Variants in NCKAP5 observed in about 807,000 individuals in gnomAD.
The protein encoded by NCKAP5 is nck-associated protein 5.
NCKAP5 carries 92 observed loss-of-function variants against 167.0 expected under a neutral mutation model. That is an observed-to-expected ratio of 0.55 (90% CI 0.47 to 0.66). The LOEUF is 0.66. NCKAP5 is among the 30% of genes least tolerant of loss of function. The pLI, the probability that NCKAP5 is intolerant of heterozygous loss-of-function variation, is 0.00. For synonymous variants in NCKAP5, 891 were observed against 877.4 expected (o/e 1.02, Z -0.27); for missense variants, 2,378 against 2,315.0 (o/e 1.03, Z -0.56).
rs554599294 is a variant in NCKAP5 at position 133,537,090 on chromosome 2, T to C, written c.-61-19503A>G. On this transcript the variant is annotated intron_variant, in intron 2 of 19. Transcript: ENST00000409261. ...TCACAGAACTGTTTTGGCTCCCTTG[T>C]CAAAAGTCTATTGACTATAAGTGAG... Among the ~76,000 whole-genome samples the C allele has an allele frequency of 4.9e-4, 75 of 152,188 alleles. 1 individual carries two copies. The South Asian group carries it at 8.9e-3, about 18-fold the overall frequency.
At chr2:132,789,006 A>G (rs1253524631) in intron 13 of NCKAP5, among the ~76,000 whole-genome samples, 2 of 152,176 alleles carry the variant, frequency 1.3e-5, no homozygotes, top group East Asian at 3.9e-4. Flanking sequence ...ACAGAGCCCT[A>G]TTAAGGATCC....
chr2:133,289,696 AAAAT>A (rs1444599075), intron 4 of NCKAP5, among the ~76,000 whole-genome samples: 2 of 150,274 alleles, frequency 1.3e-5, no homozygotes, highest in Non-Finnish European at 3.0e-5. Context: ...GTCTCCAAAA[AAAAT>A]AAAAACAAAC....
chr2:133,601,729 T>C, the NCKAP5 span, among the ~76,000 whole-genome samples: 10 of 152,090 alleles, frequency 6.6e-5, no homozygotes, highest in South Asian at 2.1e-3. Context: ...CAGGACTCAA[T>C]AAATAAATAA....
chr2:133,478,595 G>T (rs909668343), intron 3 of NCKAP5, among the ~76,000 whole-genome samples: 9 of 152,096 alleles, frequency 5.9e-5, no homozygotes, highest in African/African-American at 2.2e-4. Flanking sequence ...AACAGCCAAG[G>T]CTCATGCAGA....
intron 8 of NCKAP5, among the ~76,000 whole-genome samples, chr2:132,893,835 A>G (rs983103574): frequency 6.6e-6 from 1 of 152,200 alleles, no homozygotes; most frequent in African/African-American, 2.4e-5. Context: ...AATTATAAAT[A>G]TACATTTTTG....
At chr2:132,705,373 T>A (rs532613419) in intron 19 of NCKAP5, among the ~76,000 whole-genome samples, 4 of 152,064 alleles carry the variant, frequency 2.6e-5, no homozygotes, top group African/African-American at 9.7e-5. Flanking sequence ...CTTTTTACCC[T>A]CCCTTGATCC....
chr2:133,260,329 C>T (rs192552007), intron 4 of NCKAP5, among the ~76,000 whole-genome samples: 39 of 152,310 alleles, frequency 2.6e-4, no homozygotes, highest in Non-Finnish European at 5.1e-4. Flanking sequence ...AGGAGGCCTT[C>T]CACCTATGCA....
chr2:133,485,849 A>G lies in NCKAP5; in HGVS notation c.69+31609T>C, dbSNP rs372604104. 1.5e-3 allele frequency among the ~76,000 whole-genome samples: 230 copies of G among 152,294 alleles called. 1 individual carries two copies. Among genetic ancestry groups the G allele is most frequent in the African/African-American group, 5.3e-3 (221 of 41,568 alleles). On this transcript the variant is annotated intron_variant, in intron 3 of 19. Transcript: ENST00000409261. ...ACAAGCTGTTTCTTTACACTGAGGC[A>G]ACACTTGTAACTTTCCAGTATGTCT...
At chr2:133,098,275 G>A (rs748828721) in intron 6 of NCKAP5, among the ~76,000 whole-genome samples, 7 of 152,112 alleles carry the variant, frequency 4.6e-5, no homozygotes, top group African/African-American at 7.2e-5. Flanking sequence ...TGTGACCAAC[G>A]CCTTAAAATA....
At chr2:132,754,016 C>G (rs894594077) in intron 16 of NCKAP5, among the ~76,000 whole-genome samples, 1 of 152,208 alleles carries the variant, frequency 6.6e-6, no homozygotes, top group African/African-American at 2.4e-5. Context: ...CCAGCATTTC[C>G]CACAGGCTAA....
At chr2:133,156,340 C>G (rs1193187356) in intron 5 of NCKAP5, among the ~76,000 whole-genome samples, 1 of 152,128 alleles carries the variant, frequency 6.6e-6, no homozygotes, top group Non-Finnish European at 1.5e-5. Context: ...GCTGGTCCAG[C>G]TTTCCGGGTT....
chr2:132,884,813 A>C (rs922728541), intron 8 of NCKAP5, among the ~76,000 whole-genome samples: 6 of 152,130 alleles, frequency 3.9e-5, no homozygotes, highest in African/African-American at 1.4e-4. Context: ...TAAAGCTGAA[A>C]ATGGGAATTT....
At chr2:133,618,260 T>C in the NCKAP5 span, among the ~76,000 whole-genome samples, 1 of 150,870 alleles carries the variant, frequency 6.6e-6, no homozygotes, top group South Asian at 2.1e-4. Flanking sequence ...ACTTCATGTC[T>C]AAAACACCAA....
chr2:133,620,084 G>C, the NCKAP5 span, among the ~76,000 whole-genome samples: 1 of 151,878 alleles, frequency 6.6e-6, no homozygotes, highest in Non-Finnish European at 1.5e-5. Context: ...CCTGCTAAAA[G>C]GAGATGTAAC....
At chr2:132,699,747 G>C (rs1055269538) in intron 19 of NCKAP5, among the ~76,000 whole-genome samples, 1 of 152,162 alleles carries the variant, frequency 6.6e-6, no homozygotes, top group African/African-American at 2.4e-5. Context: ...CATCTGGGTT[G>C]GTTCCAAGTC....
chr2:132,845,536 G>T (rs1688597030), intron 11 of NCKAP5, among the ~76,000 whole-genome samples: 1 of 152,182 alleles, frequency 6.6e-6, no homozygotes, highest in Non-Finnish European at 1.5e-5. Flanking sequence ...AACCATTTAT[G>T]CATATGTCAT....
At chr2:133,600,771 C>A in the NCKAP5 span, among the ~76,000 whole-genome samples, 12 of 152,212 alleles carry the variant, frequency 7.9e-5, no homozygotes, top group Non-Finnish European at 1.5e-4. Context: ...GAAGCTCCAT[C>A]CCCGCTCAGG....
intron 16 of NCKAP5, among the ~76,000 whole-genome samples, chr2:132,756,885 T>C (rs1481493192): frequency 6.6e-6 from 1 of 152,156 alleles, no homozygotes; most frequent in African/African-American, 2.4e-5. Context: ...TTAAAATATA[T>C]TTCCCCTCTG....
At chr2:132,834,796 G>C (rs756646616) in intron 11 of NCKAP5, among the ~76,000 whole-genome samples, 9 of 152,094 alleles carry the variant, frequency 5.9e-5, no homozygotes, top group Non-Finnish European at 1.3e-4. Flanking sequence ...CGGTCTGAAT[G>C]TCTTTTGTTT....
Sources: gnomAD v4.1 joint callset for allele counts (sites outside exome capture counted in the v4.1 genomes callset) on GRCh38, gnomAD v4.1.1 for gene constraint, MANE v1.5 for transcripts, NCBI Gene and HGNC (gene_info 2026-07-23, HGNC 2026-07-21) for gene names.